CCDC14: variants seen among roughly 807,000 people sequenced by gnomAD.
CCDC14 encodes coiled-coil domain-containing protein 14.
Under a neutral mutation model 81.4 loss-of-function variants are expected in CCDC14, and 71 were observed. The observed-to-expected ratio is 0.87, with a 90% CI of 0.72 to 1.06. The LOEUF (loss-of-function observed/expected upper bound fraction) is 1.06. Ranked by LOEUF, CCDC14 falls within the 50% of genes least tolerant of loss-of-function variation. The pLI, the probability that CCDC14 is intolerant of heterozygous loss-of-function variation, is 0.00. For synonymous variants in CCDC14, 332 were observed against 364.8 expected, an observed-to-expected ratio of 0.91 and a Z score of 1.03; for missense variants, 1,046 against 1,047.3, an observed-to-expected ratio of 1.00 and a Z score of 0.02.
At chr3:123,918,578 C>T (rs897586121) in intron 12 of CCDC14, among the ~76,000 whole-genome samples, 4 of 152,144 alleles carry the variant, frequency 2.6e-5, no homozygotes, top group African/African-American at 9.7e-5. Context: ...GGAACAGTTT[C>T]ACCCCTTTCC....
chr3:123,893,783 T>C (rs115732941), downstream of CCDC14, among the ~76,000 whole-genome samples: 1,521 of 152,276 alleles, frequency 1.0e-2, 37 homozygotes, highest in Non-Finnish European at 0.01. Context: ...AAAGTGGTAG[T>C]CCATTGTAAT....
At chr3:123,927,383 C>T (rs1472407433) in intron 12 of CCDC14, among the ~76,000 whole-genome samples, 1 of 152,024 alleles carries the variant, frequency 6.6e-6, no homozygotes, top group East Asian at 1.9e-4. Flanking sequence ...CACCACTGGA[C>T]TCCAGCTTGG....
chr3:123,956,357 G>T lies in CCDC14; in HGVS notation c.157C>A (p.Gln53Lys). The T allele has an allele frequency of 6.5e-7, 1 of 1,540,702 alleles. No individual in the cohort carries two copies. Among genetic ancestry groups the T allele is most frequent in the South Asian group, 1.2e-5 (1 of 81,888 alleles). The part of the protein sequence containing the change: ...GYSIHSDSES[Q>K]AETVHGLDGC... ...GTATTGTATCTATTCAATCTTACCTGACTTTCTGAATCAGAATGGATGGAA... is the reference window on the plus strand; with the variant it reads ...GTATTGTATCTATTCAATCTTACCTTACTTTCTGAATCAGAATGGATGGAA... Residue 53 changes from glutamine (Q) to lysine (K), a missense_variant and splice_region_variant, in exon 3 of 13, where the codon CAG becomes AAG. Coordinates refer to ENST00000409697, the MANE Select transcript of CCDC14 (RefSeq NM_001366335.1).
Position 123,914,477 on chromosome 3 carries a change from C to T in CCDC14, c.*302G>A, listed in dbSNP as rs766598224. 6.7e-5 allele frequency: 68 copies of T among 1,019,320 alleles called. No individual in the cohort carries two copies. Among genetic ancestry groups the T allele is most frequent in the South Asian group, 1.3e-4 (3 of 22,730 alleles). The allele number at this position is 1,019,320 out of a possible 1,614,324, so 63.1% of individuals were successfully genotyped here. ...GCCACAGAACTATTTCAACCTGTAC[C>T]CTTAATCCAGCAGATACATCTTAAT... is the stretch of plus-strand genomic sequence containing the variant. On this transcript the variant is annotated 3_prime_UTR_variant, in exon 13 of 13. Transcript: ENST00000409697.
intron 12 of CCDC14, among the ~76,000 whole-genome samples, chr3:123,930,039 C>A (rs2035606233): frequency 6.6e-6 from 1 of 152,160 alleles, no homozygotes; most frequent in Non-Finnish European, 1.5e-5. Flanking sequence ...ATATTCAGAA[C>A]CTCTGACTAG....
intron 9 of CCDC14, among the ~76,000 whole-genome samples, chr3:123,940,053 T>A (rs1249111637): frequency 2.0e-5 from 3 of 151,628 alleles, no homozygotes; most frequent in Non-Finnish European, 4.4e-5. Context: ...AAAAATTTTT[T>A]AAAGGGTTTA....
intron 5 of CCDC14, among the ~76,000 whole-genome samples, chr3:123,902,606 T>A (rs1466819605): frequency 2.6e-5 from 4 of 152,140 alleles, no homozygotes; most frequent in Non-Finnish European, 4.4e-5. Context: ...AAAAACTTGG[T>A]TCCTTCAACA....
intron 12 of CCDC14, among the ~76,000 whole-genome samples, chr3:123,928,859 T>C (rs2035538865): frequency 6.6e-6 from 1 of 152,214 alleles, no homozygotes; most frequent in South Asian, 2.1e-4. Flanking sequence ...TTATTAACAT[T>C]CTACTAATAC....
chr3:123,921,586 T>C (rs1170076157), intron 12 of CCDC14, among the ~76,000 whole-genome samples: 1 of 152,316 alleles, frequency 6.6e-6, no homozygotes, highest in East Asian at 1.9e-4. Flanking sequence ...CTCTCAACAC[T>C]GTACAGATCT....
At chr3:123,943,615 CA>C (rs1159996636) in intron 9 of CCDC14, among the ~76,000 whole-genome samples, 1 of 152,160 alleles carries the variant, frequency 6.6e-6, no homozygotes, top group East Asian at 1.9e-4. Flanking sequence ...AGAATTTGAA[CA>C]GACAGAACTT....
intron 10 of CCDC14, 21 bp downstream of exon 10, chr3:123,933,652 C>T: frequency 6.6e-7 from 1 of 1,515,032 alleles, no homozygotes; most frequent in Non-Finnish European, 9.0e-7. Flanking sequence ...ATTTATCAAT[C>T]CTTAAAGTTC....
the CCDC14 span, among the ~76,000 whole-genome samples, chr3:123,890,941 G>C: frequency 9.2e-5 from 14 of 152,310 alleles, no homozygotes; most frequent in African/African-American, 2.9e-4. Context: ...GGGCATCCAG[G>C]CATTTCCATA....
chr3:123,886,659 G>A, the CCDC14 span, among the ~76,000 whole-genome samples: 1 of 152,082 alleles, frequency 6.6e-6, no homozygotes, highest in South Asian at 2.1e-4. Context: ...GCCTCCCAAA[G>A]TGCTGGGATT....
At chr3:123,926,370 A>T (rs1042425490) in intron 12 of CCDC14, among the ~76,000 whole-genome samples, 1 of 151,858 alleles carries the variant, frequency 6.6e-6, no homozygotes, top group East Asian at 1.9e-4. Context: ...TAATTCAGCT[A>T]AAGACACTGA....
chr3:123,921,653 G>T (rs543314909), intron 12 of CCDC14, among the ~76,000 whole-genome samples: 4 of 152,176 alleles, frequency 2.6e-5, no homozygotes, highest in East Asian at 3.8e-4. Context: ...TAGACCAGGG[G>T]TGTCCAAGCT....
the CCDC14 span, among the ~76,000 whole-genome samples, chr3:123,885,828 C>T: frequency 1.3e-5 from 2 of 152,162 alleles, no homozygotes; most frequent in South Asian, 2.1e-4. Context: ...TCATGGTATT[C>T]TAATAATTTT....
chr3:123,888,547 GGTAATTTATGAAGA>G, the CCDC14 span, among the ~76,000 whole-genome samples: 1 of 152,114 alleles, frequency 6.6e-6, no homozygotes, highest in East Asian at 1.9e-4. Context: ...CCTGAAACTG[GGTAATTTATGAAGA>G]AAAGAGATTT....
At chr3:123,921,648 CA>C (rs1291331233) in intron 12 of CCDC14, among the ~76,000 whole-genome samples, 1 of 152,038 alleles carries the variant, frequency 6.6e-6, no homozygotes, top group African/African-American at 2.4e-5. Context: ...CACTTTAGAC[CA>C]GGGGTGTCCA....
chr3:123,947,324 A>G lies in CCDC14; in HGVS notation c.685-5T>C. The G allele has an allele frequency of 6.3e-7, 1 of 1,595,612 alleles. No individual in the cohort carries two copies. Among genetic ancestry groups the G allele is most frequent in the Non-Finnish European group, 8.5e-7 (1 of 1,170,472 alleles). On this transcript the variant is annotated splice_region_variant and splice_polypyrimidine_tract_variant and intron_variant, in intron 7 of 12. Coordinates refer to ENST00000409697, the MANE Select transcript of CCDC14 (RefSeq NM_001366335.1). ...GTTGCCATCAGTTTGAACTTCCTAA[A>G]GAAAGATAAAAACAAGTCTTCAGAA...
Sources: allele counts gnomAD v4.1 joint callset (sites outside exome capture counted in the v4.1 genomes callset), GRCh38; gene constraint gnomAD v4.1.1; transcripts MANE v1.5; gene names NCBI Gene and HGNC (gene_info 2026-07-23, HGNC 2026-07-21).